Variants in NT5DC1 observed in about 807,000 individuals in gnomAD.
NT5DC1 encodes the protein 5'-nucleotidase domain containing 1.
Under a neutral mutation model 59.4 loss-of-function variants are expected in NT5DC1, and 42 were observed. The ratio of observed to expected loss-of-function variants is 0.71; its 90% CI spans 0.55 to 0.92. The LOEUF is 0.92. Among genes scored for constraint, NT5DC1 ranks in the 40% least tolerant of loss-of-function variants. The pLI is 0.00. For missense variants in NT5DC1, 501 were observed against 537.1 expected (o/e 0.93, Z 0.66); for synonymous variants, 172 against 188.1 (o/e 0.91, Z 0.70).
chr6:116,123,646 T>TA (rs1395025265), intron 6 of NT5DC1, among the ~76,000 whole-genome samples: 1 of 152,242 alleles, frequency 6.6e-6, no homozygotes, highest in Non-Finnish European at 1.5e-5. Flanking sequence ...CTTAATGTCT[T>TA]ACTTGTATAG....
At chr6:116,165,697 G>A (rs1484921982) in intron 6 of NT5DC1, among the ~76,000 whole-genome samples, 2 of 152,106 alleles carry the variant, frequency 1.3e-5, no homozygotes, top group Non-Finnish European at 2.9e-5. Context: ...CATTTCCTTT[G>A]TCCCAAGGGG....
intron 6 of NT5DC1, among the ~76,000 whole-genome samples, chr6:116,206,800 G>A (rs1206155958): frequency 2.6e-5 from 4 of 151,874 alleles, no homozygotes; most frequent in East Asian, 3.9e-4. Context: ...CTGTTAATTG[G>A]TCGAAGTCTA....
rs201416912 is a variant in NT5DC1, at chr6:116,120,434, G to T, written c.529+2489G>T. 6 of 1,614,266 alleles carry T rather than the reference G, an allele frequency of 3.7e-6. No homozygotes were observed. The East Asian group carries it at 1.3e-4, about 36-fold the overall frequency. On this transcript the variant is annotated intron_variant, in intron 6 of 11. Transcript: ENST00000319550. Reference sequence around the variant, plus strand: ...TATGGGAGTTCCTATTGCTGGGTAAGCTTTGGAGAGAATAACAGTAAAAGC... The same window carrying T: ...TATGGGAGTTCCTATTGCTGGGTAATCTTTGGAGAGAATAACAGTAAAAGC...
intron 5 of NT5DC1, among the ~76,000 whole-genome samples, chr6:116,116,355 C>T (rs1196635384): frequency 6.6e-6 from 1 of 152,200 alleles, no homozygotes; most frequent in African/African-American, 2.4e-5. Context: ...AAAATAACTA[C>T]TTTTGGGGCC....
At chr6:116,151,926 T>C (rs2114399113) in intron 6 of NT5DC1, among the ~76,000 whole-genome samples, 1 of 152,358 alleles carries the variant, frequency 6.6e-6, no homozygotes, top group Middle Eastern at 3.4e-3. Flanking sequence ...TCTGAAGTTT[T>C]ATAAGAACAT....
chr6:116,188,452 T>G (rs1781047848), intron 6 of NT5DC1, among the ~76,000 whole-genome samples: 1 of 152,084 alleles, frequency 6.6e-6, no homozygotes, highest in Admixed American at 6.6e-5. Context: ...AGTGACATTC[T>G]ATTCATCAAT....
intron 6 of NT5DC1, among the ~76,000 whole-genome samples, chr6:116,131,475 GT>G (rs752975722): frequency 6.6e-5 from 10 of 152,138 alleles, no homozygotes; most frequent in Non-Finnish European, 1.3e-4. Context: ...AAATGACTCA[GT>G]TTTTCTTGAC....
chr6:116,212,118 A>G (rs1358627836), intron 6 of NT5DC1, among the ~76,000 whole-genome samples: 5 of 152,152 alleles, frequency 3.3e-5, no homozygotes, highest in South Asian at 2.1e-4. Flanking sequence ...TTCTTTTTCA[A>G]ATTTTTTATT....
At chr6:116,228,014 A>G (rs1193100297) in intron 8 of NT5DC1, among the ~76,000 whole-genome samples, 1 of 152,196 alleles carries the variant, frequency 6.6e-6, no homozygotes, top group Non-Finnish European at 1.5e-5. Flanking sequence ...TTCGGGATAT[A>G]GCCAGAAAGT....
chr6:116,170,283 G>C (rs1431671406), intron 6 of NT5DC1, among the ~76,000 whole-genome samples: 4 of 152,222 alleles, frequency 2.6e-5, no homozygotes, highest in Middle Eastern at 3.4e-3. Context: ...TGATTAAGAA[G>C]ATAATTGTGG....
chr6:116,222,414 T>C (rs376097659), intron 7 of NT5DC1, among the ~76,000 whole-genome samples: 6 of 152,324 alleles, frequency 3.9e-5, no homozygotes, highest in Admixed American at 3.9e-4. Flanking sequence ...GTTTCCCCCA[T>C]TGTAATAGTG....
intron 8 of NT5DC1, among the ~76,000 whole-genome samples, chr6:116,223,876 C>G (rs186350141): frequency 3.9e-5 from 6 of 152,226 alleles, no homozygotes; most frequent in Admixed American, 3.9e-4. Flanking sequence ...TTGAAACACA[C>G]TTAATGGTTG....
Position 116,219,278 on chromosome 6 carries a change from G to A in NT5DC1, c.530-1776G>A, listed in dbSNP as rs576205193. Among the ~76,000 whole-genome samples, 19 of 152,234 alleles carry A rather than the reference G, an allele frequency of 1.2e-4. No individual in the cohort carries two copies. The South Asian group carries it at 2.7e-3, about 22-fold the overall frequency. The stretch of plus-strand genomic sequence containing the variant: ...CTCGTGCTTTGTGTTGATGATAACC[G>A]CTGCAGTTCTACATAGAATTTATAA... On this transcript the variant is annotated intron_variant, in intron 6 of 11. Transcript: ENST00000319550.
chr6:116,121,714 T>A (rs1352447315), intron 6 of NT5DC1: 1 of 1,614,022 alleles, frequency 6.2e-7, no homozygotes, highest in Non-Finnish European at 8.5e-7. Flanking sequence ...GGGGTCCTGG[T>A]AGGCCAGCTG....
In NT5DC1 at chr6:116,199,828, A is replaced by G. The variant is rs550985110; in HGVS notation, c.530-21226A>G. ...ATAACCATCAATGAGTCTGGTATAA[A>G]TAAGTGATTAACAAGTAAATAAATG... On this transcript the variant is annotated intron_variant, in intron 6 of 11. Coordinates refer to ENST00000319550, the MANE Select transcript of NT5DC1 (RefSeq NM_152729.3). 5.9e-5 allele frequency among the ~76,000 whole-genome samples: 9 copies of G among 152,196 alleles called. No individual in the cohort carries two copies. The East Asian group carries it at 1.6e-3, about 26-fold the overall frequency.
intron 8 of NT5DC1, among the ~76,000 whole-genome samples, chr6:116,225,353 A>T (rs930525955): frequency 6.6e-6 from 1 of 152,238 alleles, no homozygotes. Context: ...CCAGGGGATT[A>T]TATGAAACCA....
chr6:116,119,210 T>G (rs534963820), intron 6 of NT5DC1: 1 of 152,648 alleles, frequency 6.6e-6, no homozygotes, highest in Non-Finnish European at 1.5e-5. Context: ...ATAACTTCAC[T>G]TGAATGGGAG....
At chr6:116,121,128 G>C in intron 6 of NT5DC1, 1 of 1,613,608 alleles carries the variant, frequency 6.2e-7, no homozygotes, top group Non-Finnish European at 8.5e-7. Flanking sequence ...TTCCCAGGAA[G>C]ACCTGCTGGC....
At chr6:116,114,714 G>T (rs1264374971) in intron 4 of NT5DC1, among the ~76,000 whole-genome samples, 2 of 152,106 alleles carry the variant, frequency 1.3e-5, no homozygotes, top group Non-Finnish European at 2.9e-5. Context: ...GATCCCAGTA[G>T]TCAGGAGTGA....
Sources: gnomAD v4.1 joint callset for allele counts (sites outside exome capture counted in the v4.1 genomes callset) on GRCh38, gnomAD v4.1.1 for gene constraint, MANE v1.5 for transcripts, NCBI Gene and HGNC (gene_info 2026-07-23, HGNC 2026-07-21) for gene names.